The following CNTN5 variants were observed in gnomAD, a reference collection of about 807,000 sequenced individuals.
CNTN5 encodes contactin-5.
CNTN5 carries 77 observed loss-of-function variants against 129.1 expected under a neutral mutation model. The ratio of observed to expected loss-of-function variants is 0.60; its 90% CI spans 0.50 to 0.72. The LOEUF is 0.72. Among genes scored for constraint, CNTN5 ranks in the 30% least tolerant of loss-of-function variants. CNTN5 has a pLI of 0.00. For synonymous variants in CNTN5, 509 were observed against 465.6 expected, an observed-to-expected ratio of 1.09 and a Z score of -1.20; for missense variants, 1,478 against 1,328.8, an observed-to-expected ratio of 1.11 and a Z score of -1.75.
rs1161107505 is a variant in CNTN5, at chr11:100,191,303, C to T, written c.1708+50C>T. On this transcript the variant is annotated intron_variant, in intron 14 of 24. Transcript: ENST00000524871. ...TACAAGCATAGTCTCATGGTCTTAT[C>T]GGAAAGAGAATAAATATAATATAAA... 5 of 1,508,808 alleles carry T rather than the reference C, an allele frequency of 3.3e-6. No homozygotes were observed. In the South Asian group the frequency reaches 4.9e-5, roughly 15 times the overall value. 93.5% of individuals were successfully genotyped at this position (1,508,808 alleles called of 1,614,324 possible). A position where few individuals can be genotyped will look rare whatever the true frequency, so the allele number is the denominator to read the frequency against.
chr11:100,242,204 T>C (rs1453870151), intron 16 of CNTN5, among the ~76,000 whole-genome samples: 1 of 152,202 alleles, frequency 6.6e-6, no homozygotes, highest in Admixed American at 6.6e-5. Context: ...AATTTTGCCA[T>C]TGCTGTTCTC....
chr11:99,257,852 A>G (rs1369480559), intron 1 of CNTN5, among the ~76,000 whole-genome samples: 1 of 152,092 alleles, frequency 6.6e-6, no homozygotes, highest in African/African-American at 2.4e-5. Flanking sequence ...TATTGTTCTA[A>G]TGTTTACAAA....
At chr11:99,987,875 G>A (rs189696934) in intron 8 of CNTN5, among the ~76,000 whole-genome samples, 12 of 152,230 alleles carry the variant, frequency 7.9e-5, no homozygotes, top group African/African-American at 2.4e-4. Context: ...TTAAAATAGG[G>A]ACTATCGTAT....
chr11:99,874,530 C>G (rs1167637389), intron 6 of CNTN5, among the ~76,000 whole-genome samples: 1 of 152,024 alleles, frequency 6.6e-6, no homozygotes, highest in African/African-American at 2.4e-5. Flanking sequence ...TAGCTATTGA[C>G]GGATAATACC....
chr11:99,288,532 AT>A (rs1182268973), intron 1 of CNTN5, among the ~76,000 whole-genome samples: 1 of 151,842 alleles, frequency 6.6e-6, no homozygotes, highest in African/African-American at 2.4e-5. Context: ...TTGTGTGTCA[AT>A]TTCAAGATAC....
At chr11:99,979,542 A>C (rs932347336) in intron 8 of CNTN5, among the ~76,000 whole-genome samples, 1 of 152,180 alleles carries the variant, frequency 6.6e-6, no homozygotes, top group Non-Finnish European at 1.5e-5. Context: ...GCAGGCTTCT[A>C]TGAAGGATAC....
intron 1 of CNTN5, among the ~76,000 whole-genome samples, chr11:99,193,183 A>T (rs1163457440): frequency 6.6e-6 from 1 of 150,800 alleles, no homozygotes; most frequent in East Asian, 1.9e-4. Context: ...TCACTATGAC[A>T]GGGGATAATA....
chr11:99,656,136 T>C (rs1473983613), intron 3 of CNTN5, among the ~76,000 whole-genome samples: 1 of 152,018 alleles, frequency 6.6e-6, no homozygotes, highest in African/African-American at 2.4e-5. Flanking sequence ...CCCACAAATT[T>C]ATTTGCAGTC....
intron 9 of CNTN5, among the ~76,000 whole-genome samples, chr11:100,009,493 G>T (rs543250287): frequency 1.5e-4 from 23 of 152,036 alleles, no homozygotes; most frequent in Non-Finnish European, 1.0e-4. Flanking sequence ...GGAAAGAAAA[G>T]ACTGGTTTAG....
At chr11:99,546,764 T>A (rs552396932) in intron 2 of CNTN5, among the ~76,000 whole-genome samples, 22 of 152,252 alleles carry the variant, frequency 1.4e-4, no homozygotes, top group African/African-American at 5.1e-4. Flanking sequence ...AGGCTTGATC[T>A]CCTACCACTT....
chr11:99,140,208 T>C (rs1859444152), intron 1 of CNTN5, among the ~76,000 whole-genome samples: 1 of 152,150 alleles, frequency 6.6e-6, no homozygotes, highest in Admixed American at 6.5e-5. Flanking sequence ...GTAATATCTT[T>C]TTAAAAAATT....
intron 4 of CNTN5, among the ~76,000 whole-genome samples, chr11:99,822,841 A>G (rs1946842730): frequency 6.6e-6 from 1 of 152,256 alleles, no homozygotes; most frequent in Non-Finnish European, 1.5e-5. Context: ...TTATAAATAA[A>G]GTAATGGGAT....
intron 13 of CNTN5, among the ~76,000 whole-genome samples, chr11:100,087,467 C>T (rs1944597306): frequency 6.6e-6 from 1 of 151,464 alleles, no homozygotes; most frequent in African/African-American, 2.4e-5. Flanking sequence ...GGAAAATAAC[C>T]CTAACAACAA....
intron 2 of CNTN5, among the ~76,000 whole-genome samples, chr11:99,348,622 G>C (rs1938074900): frequency 6.6e-6 from 1 of 152,070 alleles, no homozygotes; most frequent in African/African-American, 2.4e-5. Context: ...AGATGGCATG[G>C]TCCCAAGATC....
chr11:99,947,015 A>T (rs1158336209), intron 7 of CNTN5, among the ~76,000 whole-genome samples: 1 of 116,050 alleles, frequency 8.6e-6, no homozygotes, highest in Non-Finnish European at 1.9e-5. Context: ...ATTCTACATG[A>T]TTATGAAAAT....
chr11:99,543,537 T>C (rs1187617502), intron 2 of CNTN5, among the ~76,000 whole-genome samples: 1 of 152,206 alleles, frequency 6.6e-6, no homozygotes, highest in African/African-American at 2.4e-5. Flanking sequence ...TCTCAAAGAT[T>C]GTGTGAGTCA....
intron 2 of CNTN5, among the ~76,000 whole-genome samples, chr11:99,459,744 AATAT>A (rs1324279652): frequency 6.6e-6 from 1 of 152,086 alleles, no homozygotes; most frequent in Non-Finnish European, 1.5e-5. Context: ...AAAGCAATGA[AATAT>A]ATATGTGCAT....
At chr11:99,244,392 T>C (rs1362218303) in intron 1 of CNTN5, among the ~76,000 whole-genome samples, 1 of 152,192 alleles carries the variant, frequency 6.6e-6, no homozygotes. Context: ...TTCCTTTATT[T>C]TATTCATTGG....
rs184163504 is a variant in CNTN5, at chr11:100,329,076, T to G, written c.2731-11387T>G. Among the ~76,000 whole-genome samples the G allele has an allele frequency of 1.1e-3, 171 of 152,246 alleles. 1 individual carries two copies. The highest frequency in any genetic ancestry group is 0.01 in the Middle Eastern group (3 of 294). On this transcript the variant is annotated intron_variant, in intron 21 of 24. Transcript: ENST00000524871. ...TGCCCGGAAATAAACTCAGTGCTATTGGAGGGGGGCGTGGTGGGAGTGAGA... is the reference window on the plus strand; with the variant it reads ...TGCCCGGAAATAAACTCAGTGCTATGGGAGGGGGGCGTGGTGGGAGTGAGA...
Sources: gnomAD v4.1 joint callset for allele counts (sites outside exome capture counted in the v4.1 genomes callset) on GRCh38, gnomAD v4.1.1 for gene constraint, MANE v1.5 for transcripts, NCBI Gene and HGNC (gene_info 2026-07-23, HGNC 2026-07-21) for gene names.